SYT12: variants seen among roughly 807,000 people sequenced by gnomAD.
SYT12 encodes the protein synaptotagmin-12.
In SYT12, 27 loss-of-function variants were observed where a neutral mutation model predicts 39.5. That is an observed-to-expected ratio of 0.68 (90% CI 0.50 to 0.94). The LOEUF (loss-of-function observed/expected upper bound fraction) is 0.94. Among genes scored for constraint, SYT12 ranks in the 40% least tolerant of loss-of-function variants. SYT12 has a pLI of 0.00. For missense variants in SYT12, 536 were observed against 572.6 expected (o/e 0.94, Z 0.65); for synonymous variants, 233 against 239.7 (o/e 0.97, Z 0.26).
chr11:67,045,935 G>C (rs927222477), intron 7 of SYT12, 58 bp downstream of exon 7: 2 of 1,600,860 alleles, frequency 1.2e-6, no homozygotes, highest in Non-Finnish European at 1.7e-6. Flanking sequence ...TGGGGCTGCC[G>C]CATCTCTCCA....
At position 67,050,783 on chromosome 11, in the gene SYT12, C is replaced by G. The variant is rs1486535348; in HGVS notation, c.*2026C>G. 5 of 152,270 alleles carry G rather than the reference C, an allele frequency of 3.3e-5. No individual in the cohort carries two copies. Among genetic ancestry groups the G allele is most frequent in the Non-Finnish European group, 5.9e-5 (4 of 68,096 alleles). The allele number at this position is 152,270 out of a possible 1,614,324, so 9.4% of individuals were successfully genotyped here. On this transcript the variant is annotated 3_prime_UTR_variant, in exon 8 of 8. Transcript: ENST00000527043. Reference sequence around the variant, plus strand: ...ATGCCAACTGGAATGATTCTAGAACCAAAATAAAGTTGGGGCAGGAAGAGG... The same window carrying G: ...ATGCCAACTGGAATGATTCTAGAACGAAAATAAAGTTGGGGCAGGAAGAGG...
chr11:67,043,519 G>C, intron 4 of SYT12, 119 bp from the exon 5 acceptor site: 1 of 890,730 alleles, frequency 1.1e-6, no homozygotes, highest in Non-Finnish European at 1.8e-6. Context: ...TTGGCATTGA[G>C]GGTGTCAAGA....
intron 3 of SYT12, among the ~76,000 whole-genome samples, chr11:67,038,488 G>T (rs544726573): frequency 1.3e-5 from 2 of 151,968 alleles, no homozygotes; most frequent in East Asian, 3.9e-4. Context: ...TTAATATTTG[G>T]GTGAGTGTCA....
Position 67,030,149 on chromosome 11 carries a change from C to T in SYT12, c.5C>T (p.Ala2Val). The T allele has an allele frequency of 1.2e-6, 2 of 1,614,094 alleles. No individual in the cohort carries two copies. The highest frequency in any genetic ancestry group is 1.7e-6 in the Non-Finnish European group (2 of 1,180,034). Residue 2 changes from alanine (A) to valine (V), a missense_variant, in exon 2 of 8, where the codon GCT becomes GTT. Transcript: ENST00000527043. Reference sequence around the variant, plus strand: ...ACAGTCACTGCAGCAGACATCATGGCTGTGGATGTGGCAGAATACCATCTG... The same window carrying T: ...ACAGTCACTGCAGCAGACATCATGGTTGTGGATGTGGCAGAATACCATCTG... M[A>V]VDVAEYHLSV...
chr11:67,043,128 C>T (rs1376849536), intron 4 of SYT12, among the ~76,000 whole-genome samples: 1 of 152,236 alleles, frequency 6.6e-6, no homozygotes, highest in African/African-American at 2.4e-5. Context: ...TGGTGCCCAC[C>T]AGGCAGGACT....
Position 67,038,205 on chromosome 11 carries a change from C to T in SYT12, c.229-1606C>T, listed in dbSNP as rs963660544. On this transcript the variant is annotated intron_variant, in intron 3 of 7. Coordinates refer to ENST00000527043, the MANE Select transcript of SYT12 (RefSeq NM_177963.4). ...TTTTTGAGACAGAGTCTCACCCTGT[C>T]GCCCAGTCTGGAGTGCAGCGGCGCA... 3.3e-5 allele frequency among the ~76,000 whole-genome samples: 5 copies of T among 151,902 alleles called. No homozygotes were observed. The South Asian group carries it at 6.2e-4, about 19-fold the overall frequency.
intron 2 of SYT12, among the ~76,000 whole-genome samples, chr11:67,034,339 G>A (rs560232912): frequency 1.8e-4 from 28 of 152,210 alleles, no homozygotes; most frequent in Admixed American, 3.3e-4. Context: ...AATATTTTGC[G>A]GGCCGACATG....
intron 3 of SYT12, among the ~76,000 whole-genome samples, chr11:67,017,876 C>T (rs1407600534): frequency 6.6e-6 from 1 of 151,844 alleles, no homozygotes; most frequent in Non-Finnish European, 1.5e-5. Context: ...AGGAGAATCA[C>T]TTGAACCCAG....
intron 2 of SYT12, among the ~76,000 whole-genome samples, chr11:67,033,913 G>A (rs1159435594): frequency 6.6e-6 from 1 of 152,150 alleles, no homozygotes; most frequent in Admixed American, 6.6e-5. Context: ...GTTTTCGGGG[G>A]CAGCAAGGCT....
chr11:67,022,145 G>C (rs1394419616), upstream of SYT12, among the ~76,000 whole-genome samples: 2 of 151,838 alleles, frequency 1.3e-5, no homozygotes, highest in East Asian at 1.9e-4. Context: ...CTCTTTCTAG[G>C]GCTCCCCAGC....
chr11:67,031,925 G>A (rs1312334612), intron 2 of SYT12: 4 of 152,268 alleles, frequency 2.6e-5, no homozygotes, highest in Admixed American at 1.3e-4. Flanking sequence ...AGGACTCCCA[G>A]AATACACCAA....
intron 3 of SYT12, among the ~76,000 whole-genome samples, chr11:67,038,760 A>G (rs968000443): frequency 6.6e-6 from 1 of 152,002 alleles, no homozygotes; most frequent in African/African-American, 2.4e-5. Flanking sequence ...AGGCTGAGGC[A>G]GGCAGATCAC....
chr11:67,043,778 G>A lies in SYT12; in HGVS notation c.762G>A (p.Val254=). The A allele has an allele frequency of 6.2e-7, 1 of 1,614,132 alleles. No homozygotes were observed. Among genetic ancestry groups the A allele is most frequent in the Admixed American group, 1.7e-5 (1 of 60,020 alleles). The change falls in exon 5 of 8, where the codon GTG becomes GTA. Residue 254 remains valine (V), a synonymous_variant. Transcript: ENST00000527043. ...EDERNVSTGV[V]ELKLSVLDLP... ...AGCGCAACGTCAGCACGGGGGTGGT[G>A]GAGCTGAAGCTTTCTGTGCTTGACC... is the stretch of plus-strand genomic sequence containing the variant.
At position 67,044,711 on chromosome 11, in the gene SYT12, C is replaced by T. The variant is rs201262067; in HGVS notation, c.956C>T (p.Ala319Val). 23 of 1,613,526 alleles carry T rather than the reference C, an allele frequency of 1.4e-5. No individual in the cohort carries two copies. Among genetic ancestry groups the T allele is most frequent in the African/African-American group, 2.7e-5 (2 of 75,054 alleles). Reference sequence around the variant, plus strand: ...ATCTGGACCAACGACAAGACCACAGCGGGTAAGGCCCAGCCGGCAGCCCGG... The same window carrying T: ...ATCTGGACCAACGACAAGACCACAGTGGGTAAGGCCCAGCCGGCAGCCCGG... ...NLIWTNDKTT[A>V]DPFVKVYLLQ... Residue 319 changes from alanine (A) to valine (V), a missense_variant and splice_region_variant, in exon 6 of 8, where the codon GCG (alanine) becomes GTG (valine). Physicochemically the swap from Ala to Val is moderately conservative, Grantham distance 64. Coordinates refer to ENST00000527043, the MANE Select transcript of SYT12 (RefSeq NM_177963.4).
chr11:67,018,782 C>G (rs190057630), upstream of SYT12, among the ~76,000 whole-genome samples: 1,226 of 151,834 alleles, frequency 8.1e-3, 19 homozygotes, highest in African/African-American at 0.027. Context: ...GAGATGGCGC[C>G]GCTGCACTCC....
At position 67,048,863 on chromosome 11, in the gene SYT12, T is replaced by A; in HGVS notation, c.*106T>A. ...CCAGCTGGAGCCGTGAACACTGGGG[T>A]CCCCTGGCAGAGTCCTCATGACCCA... On this transcript the variant is annotated 3_prime_UTR_variant, in exon 8 of 8. Transcript: ENST00000527043. 1.5e-6 allele frequency: 2 copies of A among 1,349,600 alleles called. No individual in the cohort carries two copies. Among genetic ancestry groups the A allele is most frequent in the Admixed American group, 2.1e-5 (1 of 47,038 alleles). 83.6% of individuals were successfully genotyped at this position (1,349,600 alleles called of 1,614,324 possible).
chr11:67,011,980 G>T (rs1379818318), intron 3 of SYT12, among the ~76,000 whole-genome samples: 1 of 150,400 alleles, frequency 6.6e-6, no homozygotes, highest in Non-Finnish European at 1.5e-5. Context: ...AGCCAGACTG[G>T]TCTCAAACTC....
At chr11:67,022,559 C>T (rs1194139166), upstream of SYT12, among the ~76,000 whole-genome samples, 2 of 152,270 alleles carry the variant, frequency 1.3e-5, no homozygotes, top group Non-Finnish European at 2.9e-5. Flanking sequence ...GCGGGGGCGT[C>T]ATAAATATCT....
chr11:67,043,578 C>A, intron 4 of SYT12, 60 bp from the exon 5 acceptor site: 2 of 1,529,026 alleles, frequency 1.3e-6, no homozygotes, highest in African/African-American at 1.4e-5. Context: ...CTGTCCAGTG[C>A]TGTCTCCCTG....
Sources: allele counts gnomAD v4.1 joint callset (sites outside exome capture counted in the v4.1 genomes callset), GRCh38; gene constraint gnomAD v4.1.1; transcripts MANE v1.5; gene names NCBI Gene and HGNC (gene_info 2026-07-23, HGNC 2026-07-21).